RBFOX1: variants seen among roughly 807,000 people sequenced by gnomAD.
The protein encoded by RBFOX1 is RNA binding fox-1 homolog 1.
Under a neutral mutation model 57.7 loss-of-function variants are expected in RBFOX1, and 8 were observed. The observed-to-expected ratio is 0.14, with a 90% CI of 0.08 to 0.25. RBFOX1 has a LOEUF of 0.25. RBFOX1 is among the 10% of genes least tolerant of loss of function. The pLI, the probability that RBFOX1 is intolerant of heterozygous loss-of-function variation, is 1.00. For missense variants in RBFOX1, 611 were observed against 548.5 expected (o/e 1.11, Z -1.14); for synonymous variants, 326 against 222.4 (o/e 1.47, Z -4.15).
chr16:7,581,038 A>C (rs1229676813), intron 6 of RBFOX1, among the ~76,000 whole-genome samples: 1 of 152,192 alleles, frequency 6.6e-6, no homozygotes, highest in Non-Finnish European at 1.5e-5. Context: ...GCTCTTGTTC[A>C]CTACTCAAAG....
intron 1 of RBFOX1, among the ~76,000 whole-genome samples, chr16:6,094,774 A>C (rs542231825): frequency 6.6e-6 from 1 of 152,304 alleles, no homozygotes; most frequent in East Asian, 1.9e-4. Flanking sequence ...AATTATACCT[A>C]TAGGAGGGGC....
In RBFOX1 at chr16:6,573,688, CA is replaced by C. The variant is rs1367347397; in HGVS notation, c.-63-80914del. ...GCTGCTGTCTGCTGTGTGACATGCT[CA>C]GGGGTGACGCGCCTCCCGAAAGAGA... On this transcript the variant is annotated intron_variant, in intron 2 of 15. Coordinates refer to ENST00000550418, the MANE Select transcript of RBFOX1 (RefSeq NM_018723.4). The C allele has an allele frequency of 5.3e-5, 8 of 152,304 alleles. No individual in the cohort carries two copies. The East Asian group carries it at 5.8e-4, about 11-fold the overall frequency. The allele number at this position is 152,304 out of a possible 1,614,324, so 9.4% of individuals were successfully genotyped here. A position where few individuals can be genotyped will look rare whatever the true frequency, so the allele number is the denominator to read the frequency against.
chr16:5,673,510 G>C (rs186351499), intron 3 of RBFOX1, among the ~76,000 whole-genome samples: 11 of 152,182 alleles, frequency 7.2e-5, no homozygotes, highest in African/African-American at 2.2e-4. Context: ...GCCTCAGCAG[G>C]GTCTCGCTTG....
At chr16:6,872,343 GTTTCTCTCTT>G (rs1195279720) in intron 3 of RBFOX1, among the ~76,000 whole-genome samples, 1 of 151,962 alleles carries the variant, frequency 6.6e-6, no homozygotes, top group Non-Finnish European at 1.5e-5. Flanking sequence ...CCTTCTCTCT[GTTTCTCTCTT>G]TTTCTCTTTC....
intron 1 of RBFOX1, among the ~76,000 whole-genome samples, chr16:6,265,101 A>G (rs2074308688): frequency 6.6e-6 from 1 of 152,170 alleles, no homozygotes. Context: ...CCATTCAACA[A>G]CCATAACGGA....
At chr16:6,310,596 G>T (rs960490710) in intron 1 of RBFOX1, among the ~76,000 whole-genome samples, 8 of 152,194 alleles carry the variant, frequency 5.3e-5, no homozygotes, top group African/African-American at 1.7e-4. Context: ...CGGTCAAGCA[G>T]CTTGCCCAGA....
chr16:5,984,049 T>C (rs1377768006), intron 4 of RBFOX1, among the ~76,000 whole-genome samples: 4 of 90,820 alleles, frequency 4.4e-5, no homozygotes, highest in Non-Finnish European at 6.8e-5. Context: ...CTCCTCTTCT[T>C]CCTCCCCCTC....
chr16:7,678,792 C>T (rs888263573), intron 14 of RBFOX1, among the ~76,000 whole-genome samples: 1 of 152,192 alleles, frequency 6.6e-6, no homozygotes, highest in African/African-American at 2.4e-5. Flanking sequence ...GAACACCATA[C>T]ATGTAAAATC....
At chr16:7,134,841 G>A (rs2071475185) in intron 4 of RBFOX1, among the ~76,000 whole-genome samples, 1 of 152,102 alleles carries the variant, frequency 6.6e-6, no homozygotes, top group Admixed American at 6.6e-5. Context: ...GATGGTTACA[G>A]TTTTAATGCA....
intron 4 of RBFOX1, among the ~76,000 whole-genome samples, chr16:7,425,167 T>C (rs1393965631): frequency 6.6e-6 from 1 of 152,178 alleles, no homozygotes; most frequent in East Asian, 1.9e-4. Flanking sequence ...AATGTGAAAA[T>C]TATGTTTTGA....
At position 6,822,914 on chromosome 16, in the gene RBFOX1, C is replaced by T. The variant is rs114611163; in HGVS notation, c.-16+168264C>T. On this transcript the variant is annotated intron_variant, in intron 3 of 15. Coordinates refer to ENST00000550418, the MANE Select transcript of RBFOX1 (RefSeq NM_018723.4). Reference sequence around the variant, plus strand: ...ATGCATTAATATTAACAAGTGCGTGCTGCTGCAGCAGAGGATAGTTCTGAT... The same window carrying T: ...ATGCATTAATATTAACAAGTGCGTGTTGCTGCAGCAGAGGATAGTTCTGAT... Among the ~76,000 whole-genome samples the T allele has an allele frequency of 4.8e-3, 737 of 152,306 alleles. 9 individuals are homozygous for T. Among genetic ancestry groups the T allele is most frequent in the African/African-American group, 0.017 (687 of 41,572 alleles).
intron 5 of RBFOX1, among the ~76,000 whole-genome samples, chr16:7,534,069 G>C (rs76054104): frequency 0.052 from 7,725 of 148,436 alleles, 349 homozygotes; most frequent in East Asian, 0.22. Context: ...CATGTCAAAG[G>C]TCCCAACGTT....
intron 2 of RBFOX1, among the ~76,000 whole-genome samples, chr16:6,546,213 G>A (rs2153837515): frequency 6.6e-6 from 1 of 152,324 alleles, no homozygotes; most frequent in African/African-American, 2.4e-5. Flanking sequence ...GTAGGGTCAT[G>A]ATTCATGAAG....
intron 2 of RBFOX1, among the ~76,000 whole-genome samples, chr16:5,477,881 C>T (rs560398218): frequency 7.2e-5 from 11 of 152,276 alleles, no homozygotes; most frequent in Admixed American, 5.2e-4. Context: ...TGATGTTTTT[C>T]GTTAGCTGAG....
chr16:7,101,601 A>G (rs892499108), intron 4 of RBFOX1, among the ~76,000 whole-genome samples: 2 of 152,190 alleles, frequency 1.3e-5, no homozygotes, highest in Admixed American at 6.5e-5. Flanking sequence ...TATGACAGCT[A>G]TAAAGACTCT....
At chr16:6,440,672 G>C (rs185007480) in intron 2 of RBFOX1, among the ~76,000 whole-genome samples, 48 of 152,034 alleles carry the variant, frequency 3.2e-4, no homozygotes, top group Non-Finnish European at 5.9e-4. Context: ...GTGGTACTGG[G>C]CATCTGTAGT....
intron 4 of RBFOX1, among the ~76,000 whole-genome samples, chr16:7,446,549 A>G (rs1303122434): frequency 6.6e-6 from 1 of 152,138 alleles, no homozygotes; most frequent in Admixed American, 6.5e-5. Context: ...TTGCATTTCT[A>G]CCATACACTA....
At chr16:6,188,945 T>A (rs975815208) in intron 1 of RBFOX1, among the ~76,000 whole-genome samples, 17 of 152,304 alleles carry the variant, frequency 1.1e-4, no homozygotes, top group African/African-American at 4.1e-4. Flanking sequence ...AATTTTGCAG[T>A]GCCAAATGAG....
intron 3 of RBFOX1, among the ~76,000 whole-genome samples, chr16:6,805,902 G>T (rs1198656350): frequency 1.3e-5 from 2 of 152,132 alleles, no homozygotes; most frequent in African/African-American, 2.4e-5. Context: ...TACTTTCCCT[G>T]TTGTATCTTC....
Sources: gnomAD v4.1 joint callset for allele counts (sites outside exome capture counted in the v4.1 genomes callset) on GRCh38, gnomAD v4.1.1 for gene constraint, MANE v1.5 for transcripts, NCBI Gene and HGNC (gene_info 2026-07-23, HGNC 2026-07-21) for gene names.